The following MAST4 variants were observed in gnomAD, a reference collection of about 807,000 sequenced individuals.
The protein encoded by MAST4 is microtubule associated serine/threonine kinase family member 4, also known as microtubule-associated serine/threonine-protein kinase 4.
Under a neutral mutation model 162.7 loss-of-function variants are expected in MAST4, and 89 were observed. That is an observed-to-expected ratio of 0.55 (90% CI 0.46 to 0.65). MAST4 has a LOEUF of 0.65. Ranked by LOEUF, MAST4 falls within the 30% of genes least tolerant of loss-of-function variation. The probability of loss-of-function intolerance (pLI) is 0.00; values close to 1 mark genes in which losing one functional copy is unlikely to be tolerated. For missense variants in MAST4, 3,153 were observed against 3,374.0 expected (o/e 0.93, Z 1.62); for synonymous variants, 1,479 against 1,361.1 (o/e 1.09, Z -1.91).
intron 2 of MAST4, among the ~76,000 whole-genome samples, chr5:66,763,132 G>A: frequency 6.6e-6 from 1 of 152,164 alleles, no homozygotes; most frequent in Admixed American, 6.5e-5. Context: ...CACAACAGAA[G>A]GCGAGGATTT....
chr5:66,657,137 A>G (rs899950078), intron 1 of MAST4, among the ~76,000 whole-genome samples: 2 of 152,196 alleles, frequency 1.3e-5, no homozygotes, highest in Non-Finnish European at 2.9e-5. Context: ...TACTTCATGG[A>G]TTGATTGCTG....
intron 2 of MAST4, among the ~76,000 whole-genome samples, chr5:66,775,126 G>C (rs1754537243): frequency 6.6e-6 from 1 of 151,966 alleles, no homozygotes; most frequent in Admixed American, 6.6e-5. Flanking sequence ...ATGTCTAAAA[G>C]TCTGTGTGCA....
At chr5:66,672,590 C>A (rs1206007364) in intron 1 of MAST4, among the ~76,000 whole-genome samples, 1 of 152,162 alleles carries the variant, frequency 6.6e-6, no homozygotes, top group African/African-American at 2.4e-5. Context: ...ATGTAAATCA[C>A]CATGTTTCTC....
chr5:66,802,997 G>A (rs1001160317), intron 3 of MAST4, among the ~76,000 whole-genome samples: 1 of 152,148 alleles, frequency 6.6e-6, no homozygotes, highest in South Asian at 2.1e-4. Flanking sequence ...AAAAAGACTG[G>A]TATGTTTGAG....
chr5:67,165,611 C>G lies in MAST4; in HGVS notation c.6432C>G (p.Ser2144=). The G allele has an allele frequency of 3.7e-6, 6 of 1,613,534 alleles. No homozygotes were observed. The highest frequency in any genetic ancestry group is 5.1e-6 in the Non-Finnish European group (6 of 1,179,728). ...CCCCTCTGACGGCCAAAGACCTGTC[C>G]AGCCCGGCTGCCAGGCAGCATTGCA... ...PPPPLTAKDL[S]SPAARQHCSS... Residue 2144 remains serine (S), a synonymous_variant, in exon 29 of 29, where the codon TCC becomes TCG. Transcript: ENST00000403625.
At chr5:67,049,023 G>T (rs1362570347) in intron 4 of MAST4, among the ~76,000 whole-genome samples, 3 of 85,656 alleles carry the variant, frequency 3.5e-5, no homozygotes, top group Non-Finnish European at 7.0e-5. Flanking sequence ...ATATATATAC[G>T]TATATATATA....
chr5:66,738,088 G>A (rs1752256320), intron 1 of MAST4: 2 of 152,230 alleles, frequency 1.3e-5, no homozygotes, highest in African/African-American at 4.8e-5. Context: ...TACCCTATCA[G>A]TTGGGAAGGG....
At chr5:66,698,165 G>C (rs1397859168) in intron 1 of MAST4, among the ~76,000 whole-genome samples, 1 of 151,918 alleles carries the variant, frequency 6.6e-6, no homozygotes, top group East Asian at 1.9e-4. Flanking sequence ...TCTCTCACCT[G>C]ATGGACTGGG....
At chr5:66,793,102 G>A (rs1201534250) in intron 3 of MAST4, among the ~76,000 whole-genome samples, 2 of 152,218 alleles carry the variant, frequency 1.3e-5, no homozygotes, top group Non-Finnish European at 2.9e-5. Context: ...AAATGCCATA[G>A]GCAAGCTTGA....
At chr5:66,749,122 G>A (rs1279449901) in intron 1 of MAST4, among the ~76,000 whole-genome samples, 1 of 152,070 alleles carries the variant, frequency 6.6e-6, no homozygotes, top group Non-Finnish European at 1.5e-5. Context: ...TAAGGGGAGG[G>A]AGACTTGAGC....
At chr5:66,696,288 G>A (rs1464376486) in intron 1 of MAST4, among the ~76,000 whole-genome samples, 2 of 151,828 alleles carry the variant, frequency 1.3e-5, no homozygotes, top group Non-Finnish European at 2.9e-5. Context: ...GATAGGTGCA[G>A]CAAATCACCA....
chr5:66,752,616 C>T (rs1159365771), intron 1 of MAST4, among the ~76,000 whole-genome samples: 9 of 148,096 alleles, frequency 6.1e-5, no homozygotes, highest in Admixed American at 4.0e-4. Flanking sequence ...ATATATGCAC[C>T]CAATACAGGA....
intron 6 of MAST4, chr5:67,094,313 G>A: frequency 2.2e-6 from 1 of 448,386 alleles, no homozygotes; most frequent in Non-Finnish European, 3.8e-6. Context: ...TATAAATTTA[G>A]GCTAAAATGT....
intron 4 of MAST4, among the ~76,000 whole-genome samples, chr5:66,901,092 C>T (rs527352707): frequency 8.5e-5 from 13 of 152,052 alleles, no homozygotes; most frequent in Admixed American, 5.2e-4. Context: ...GACTCTGTTG[C>T]CGAAACTTGG....
chr5:66,675,871 G>A (rs1027643731), intron 1 of MAST4, among the ~76,000 whole-genome samples: 1 of 152,206 alleles, frequency 6.6e-6, no homozygotes, highest in Non-Finnish European at 1.5e-5. Context: ...AGCATCACAT[G>A]TGAAAAATGC....
At chr5:67,139,035 T>C (rs1770041658) in intron 19 of MAST4, among the ~76,000 whole-genome samples, 1 of 152,212 alleles carries the variant, frequency 6.6e-6, no homozygotes, top group Non-Finnish European at 1.5e-5. Flanking sequence ...TTTCAGTCTT[T>C]TTAGGGTTTG....
intron 1 of MAST4, among the ~76,000 whole-genome samples, chr5:66,665,566 G>A (rs1036914570): frequency 6.6e-6 from 1 of 152,114 alleles, no homozygotes; most frequent in African/African-American, 2.4e-5. Context: ...CCCTCACTCT[G>A]GTGATCACCT....
chr5:66,622,928 G>A (rs1744171692), intron 1 of MAST4: 1 of 152,260 alleles, frequency 6.6e-6, no homozygotes, highest in South Asian at 2.1e-4. Flanking sequence ...GGCCATAGGT[G>A]CCCTGTTCCT....
chr5:66,638,611 AC>A (rs1469418150), intron 1 of MAST4, among the ~76,000 whole-genome samples: 9 of 152,234 alleles, frequency 5.9e-5, no homozygotes, highest in Non-Finnish European at 1.3e-4. Flanking sequence ...GGTAATTTAT[AC>A]CATACTTTAA....
Sources: gnomAD v4.1 joint callset for allele counts (sites outside exome capture counted in the v4.1 genomes callset) on GRCh38, gnomAD v4.1.1 for gene constraint, MANE v1.5 for transcripts, NCBI Gene and HGNC (gene_info 2026-07-23, HGNC 2026-07-21) for gene names.